ASCC1: variants seen among roughly 807,000 people sequenced by gnomAD.
ASCC1 encodes the protein activating signal cointegrator 1 complex subunit 1.
In ASCC1, 35 loss-of-function variants were observed where a neutral mutation model predicts 46.6. The observed-to-expected ratio is 0.75, with a 90% confidence interval of 0.57 to 0.99. The LOEUF (loss-of-function observed/expected upper bound fraction) is 0.99, where lower values mean the gene tolerates loss of function less well. Among genes scored for constraint, ASCC1 ranks in the 50% least tolerant of loss-of-function variants. The pLI is 0.00. For synonymous variants in ASCC1, 143 were observed against 146.6 expected (o/e 0.98, Z 0.18); for missense variants, 376 against 428.7 (o/e 0.88, Z 1.09).
chr10:72,120,211 G>C (rs1363237528), intron 9 of ASCC1, among the ~76,000 whole-genome samples: 1 of 152,186 alleles, frequency 6.6e-6, no homozygotes, highest in African/African-American at 2.4e-5. Context: ...CTGGGCGACA[G>C]AGTGAGACTC....
At chr10:72,137,396 T>C (rs1289277402) in intron 7 of ASCC1, among the ~76,000 whole-genome samples, 3 of 151,556 alleles carry the variant, frequency 2.0e-5, no homozygotes, top group African/African-American at 7.2e-5. Flanking sequence ...GGTGTGGTGG[T>C]GCATGCCTAT....
intron 6 of ASCC1, among the ~76,000 whole-genome samples, 199 bp downstream of exon 6, chr10:72,161,339 G>A (rs1465251589): frequency 6.6e-5 from 10 of 152,108 alleles, no homozygotes; most frequent in African/African-American, 2.2e-4. Context: ...TATCTTACAT[G>A]GCAAAGAGAT....
intron 4 of ASCC1, among the ~76,000 whole-genome samples, chr10:72,200,895 G>A (rs571252004): frequency 6.6e-6 from 1 of 152,070 alleles, no homozygotes; most frequent in Non-Finnish European, 1.5e-5. Flanking sequence ...CAATATGGGA[G>A]CCCACATGCA....
At chr10:72,203,043 T>C (rs1388515955) in intron 4 of ASCC1, among the ~76,000 whole-genome samples, 1 of 152,056 alleles carries the variant, frequency 6.6e-6, no homozygotes, top group African/African-American at 2.4e-5. Context: ...TCCCAACACT[T>C]TGGGAGGCCG....
rs922972079 is a variant in ASCC1, at chr10:72,096,975, C to T, written c.*359G>A. 14 of 454,750 alleles carry T rather than the reference C, an allele frequency of 3.1e-5. No individual in the cohort carries two copies. The highest frequency in any genetic ancestry group is 1.4e-4 in the African/African-American group (7 of 50,010). The allele number at this position is 454,750 out of a possible 1,614,324, so 28.2% of individuals were successfully genotyped here. On this transcript the variant is annotated 3_prime_UTR_variant, in exon 10 of 10. Transcript: ENST00000672957. ...AAGCTGAGAAGCCTATGGAGATGGA[C>T]GGCGGTGACGGCCACACAGCATTAT...
intron 5 of ASCC1, among the ~76,000 whole-genome samples, chr10:72,193,435 TAATA>T (rs1318324296): frequency 2.2e-5 from 3 of 136,238 alleles, no homozygotes; most frequent in Non-Finnish European, 4.6e-5. Flanking sequence ...AAACTACAAA[TAATA>T]AACAAAACAC....
intron 5 of ASCC1, among the ~76,000 whole-genome samples, chr10:72,186,360 C>G (rs1853449136): frequency 6.6e-6 from 1 of 151,924 alleles, no homozygotes; most frequent in Admixed American, 6.6e-5. Context: ...CCAAGAGATG[C>G]TATCTTTTTC....
intron 5 of ASCC1, among the ~76,000 whole-genome samples, chr10:72,168,331 T>C (rs1209132417): frequency 6.6e-6 from 1 of 152,226 alleles, no homozygotes; most frequent in Non-Finnish European, 1.5e-5. Flanking sequence ...GAAAGACATA[T>C]AATTTTGCTC....
At chr10:72,168,063 C>T (rs1011382230) in intron 5 of ASCC1, among the ~76,000 whole-genome samples, 6 of 152,082 alleles carry the variant, frequency 3.9e-5, no homozygotes, top group African/African-American at 1.2e-4. Flanking sequence ...TGGTGGCACG[C>T]GCCTGTAGTT....
At chr10:72,202,769 C>G (rs1308124530) in intron 4 of ASCC1, among the ~76,000 whole-genome samples, 2 of 152,158 alleles carry the variant, frequency 1.3e-5, no homozygotes, top group Non-Finnish European at 2.9e-5. Context: ...TTTATATTCA[C>G]TGATCTCATT....
At chr10:72,203,695 C>T (rs993963753) in intron 3 of ASCC1, among the ~76,000 whole-genome samples, 171 bp from the exon 4 acceptor site, 1 of 152,166 alleles carries the variant, frequency 6.6e-6, no homozygotes, top group Non-Finnish European at 1.5e-5. Context: ...GAACATGCTG[C>T]AGTAAAGTCA....
rs1269903283 is a variant in ASCC1, at chr10:72,152,970, T to C, written c.645A>G (p.Lys215=). The C allele has an allele frequency of 2.5e-6, 4 of 1,613,960 alleles. No homozygotes were observed. In the African/African-American group the frequency reaches 5.3e-5, roughly 22 times the overall value. The change falls in exon 7 of 10, where the codon AAA becomes AAG. Residue 215 remains lysine, a synonymous_variant. Transcript: ENST00000672957. Reference sequence around the variant, plus strand: ...TCCCTGCCATCTCCACTTCTAGGGGTTTACCCCCAGAAATATCACTGCAAA... The same window carrying C: ...TCCCTGCCATCTCCACTTCTAGGGGCTTACCCCCAGAAATATCACTGCAAA... ...EEFINDISGG[K]PLEVEMAGIE...
intron 4 of ASCC1, among the ~76,000 whole-genome samples, chr10:72,198,936 C>T (rs1343896783): frequency 6.6e-6 from 1 of 151,440 alleles, no homozygotes; most frequent in African/African-American, 2.4e-5. Context: ...CCTGCCTCAG[C>T]CTCCTGAGTA....
chr10:72,157,753 TACC>T (rs1370816609), intron 6 of ASCC1, among the ~76,000 whole-genome samples: 3 of 152,250 alleles, frequency 2.0e-5, no homozygotes, highest in Non-Finnish European at 2.9e-5. Context: ...TGTTGTATTT[TACC>T]ACAACTGAAA....
chr10:72,144,709 C>T (rs2132457644), intron 7 of ASCC1, among the ~76,000 whole-genome samples: 1 of 152,066 alleles, frequency 6.6e-6, no homozygotes, highest in African/African-American at 2.4e-5. Context: ...TCCTGCCTCT[C>T]CCTTGAAATT....
intron 5 of ASCC1, among the ~76,000 whole-genome samples, chr10:72,179,260 C>T (rs1852248876): frequency 6.6e-6 from 1 of 152,158 alleles, no homozygotes; most frequent in African/African-American, 2.4e-5. Context: ...CTTGGCCTCC[C>T]AAAGTGATGG....
At chr10:72,153,036 G>C in intron 6 of ASCC1, 48 bp from the exon 7 acceptor site, 1 of 1,611,822 alleles carries the variant, frequency 6.2e-7, no homozygotes, top group Non-Finnish European at 8.5e-7. Context: ...TAAGCTAAGA[G>C]GGCTATTTTA....
Position 72,131,439 on chromosome 10 carries a change from T to TACACACACACACAC in ASCC1, c.871+1604_871+1617dup, listed in dbSNP as rs71927487. 9.1e-3 allele frequency among the ~76,000 whole-genome samples: 1,272 copies of TACACACACACACAC among 139,386 alleles called. 19 individuals are homozygous for TACACACACACACAC. Among genetic ancestry groups the TACACACACACACAC allele is most frequent in the African/African-American group, 0.024 (879 of 36,288 alleles). 91.4% of individuals were successfully genotyped at this position (139,386 alleles called of 152,430 possible). On this transcript the variant is annotated intron_variant, in intron 8 of 9. Coordinates refer to ENST00000672957, the MANE Select transcript of ASCC1 (RefSeq NM_001198800.3). ...CCATTTCAAAAAAATAAAATAAAAA[T>TACACACACACACAC]ACACACACACACACACACACACACA...
intron 3 of ASCC1, among the ~76,000 whole-genome samples, chr10:72,210,080 A>G (rs1857828005): frequency 6.6e-6 from 1 of 151,860 alleles, no homozygotes; most frequent in Non-Finnish European, 1.5e-5. Flanking sequence ...CCAAGAGTAA[A>G]AGGTCCCTGA....
Sources: allele counts gnomAD v4.1 joint callset (sites outside exome capture counted in the v4.1 genomes callset), GRCh38; gene constraint gnomAD v4.1.1; transcripts MANE v1.5; gene names NCBI Gene and HGNC (gene_info 2026-07-23, HGNC 2026-07-21).